The following VPS35L variants were observed in gnomAD, a reference collection of about 807,000 sequenced individuals.
The protein encoded by VPS35L is VPS35 endosomal protein sorting factor like, also known as VPS35 endosomal protein-sorting factor-like.
In VPS35L, 83 loss-of-function variants were observed where a neutral mutation model predicts 133.0. The observed-to-expected ratio is 0.62, with a 90% confidence interval of 0.52 to 0.75. The LOEUF is 0.75. VPS35L is among the 30% of genes least tolerant of loss of function. VPS35L has a pLI of 0.00. For missense variants in VPS35L, 1,083 were observed against 1,206.8 expected (o/e 0.90, Z 1.52); for synonymous variants, 423 against 449.9 (o/e 0.94, Z 0.76).
chr16:19,655,062 C>T (rs1408166643), intron 26 of VPS35L, among the ~76,000 whole-genome samples: 5 of 152,178 alleles, frequency 3.3e-5, no homozygotes, highest in African/African-American at 9.7e-5. Flanking sequence ...CCCTGTTGTG[C>T]TTCCTATAAC....
At chr16:19,666,972 C>CTTTCTTTCT (rs113931786) in intron 26 of VPS35L, among the ~76,000 whole-genome samples, 2 of 93,370 alleles carry the variant, frequency 2.1e-5, no homozygotes, top group African/African-American at 6.7e-5. Flanking sequence ...TTCTTCCTTT[C>CTTTCTTTCT]TTCCTTTCTT....
intron 28 of VPS35L, among the ~76,000 whole-genome samples, chr16:19,684,372 T>C (rs559301017): frequency 3.6e-4 from 55 of 152,256 alleles, no homozygotes; most frequent in South Asian, 1.2e-3. Context: ...AAAAACCAAC[T>C]CTACACTTGC....
At chr16:19,691,144 C>G (rs1204973605) in intron 28 of VPS35L, among the ~76,000 whole-genome samples, 3 of 152,190 alleles carry the variant, frequency 2.0e-5, no homozygotes, top group African/African-American at 7.2e-5. Context: ...GACTTCCACA[C>G]CCCTGGCTTA....
intron 18 of VPS35L, among the ~76,000 whole-genome samples, chr16:19,630,581 G>A (rs774169692): frequency 2.0e-5 from 3 of 151,958 alleles, no homozygotes; most frequent in Non-Finnish European, 2.9e-5. Context: ...CAATCAGCCC[G>A]CCTCTGCCTC....
At chr16:19,644,855 C>T (rs546660315) in intron 22 of VPS35L, 31 bp from the exon 23 acceptor site, 9 of 1,479,272 alleles carry the variant, frequency 6.1e-6, no homozygotes, top group African/African-American at 2.8e-5. Flanking sequence ...CTATTACCTC[C>T]GTGTTAATTA....
intron 14 of VPS35L, among the ~76,000 whole-genome samples, chr16:19,619,110 T>C (rs1276006081): frequency 1.3e-5 from 2 of 151,940 alleles, no homozygotes; most frequent in Non-Finnish European, 2.9e-5. Flanking sequence ...TTTGTATTTT[T>C]AGTAGAGATG....
chr16:19,657,282 A>G (rs1974336823), intron 26 of VPS35L, among the ~76,000 whole-genome samples: 1 of 152,124 alleles, frequency 6.6e-6, no homozygotes, highest in South Asian at 2.1e-4. Context: ...TGATTTTATT[A>G]TCATTAATAA....
intron 22 of VPS35L, among the ~76,000 whole-genome samples, chr16:19,642,929 G>A (rs1056913045): frequency 3.9e-5 from 6 of 152,132 alleles, no homozygotes; most frequent in African/African-American, 1.4e-4. Flanking sequence ...ACTGCCTTCT[G>A]GTTTTTGTTT....
chr16:19,569,306 C>A, intron 2 of VPS35L, 118 bp from the exon 3 acceptor site: 1 of 1,148,916 alleles, frequency 8.7e-7, no homozygotes, highest in Non-Finnish European at 1.3e-6. Flanking sequence ...ATGGTTAAGT[C>A]TCTGCTGCAA....
At position 19,616,195 on chromosome 16, in the gene VPS35L, A is replaced by G. The variant is rs1468167203; in HGVS notation, c.1101+4A>G. 9 of 1,601,490 alleles carry G rather than the reference A, an allele frequency of 5.6e-6. No homozygotes were observed. The highest frequency in any genetic ancestry group is 1.3e-5 in the African/African-American group (1 of 74,604). ...CTTCCTCCTTACGTTCAAACAGGTA[A>G]GAGAACACTATCAGAATAGCTCATC... On this transcript the variant is annotated splice_donor_region_variant and intron_variant, in intron 13 of 30. Coordinates refer to ENST00000417362, the MANE Select transcript of VPS35L (RefSeq NM_020314.7).
At chr16:19,582,685 T>G (rs769277695) in intron 7 of VPS35L, among the ~76,000 whole-genome samples, 1 of 152,234 alleles carries the variant, frequency 6.6e-6, no homozygotes, top group Non-Finnish European at 1.5e-5. Flanking sequence ...CTTCACAATA[T>G]TTGCATTGGC....
chr16:19,579,987 G>A (rs1284754574), intron 6 of VPS35L: 1 of 150,428 alleles, frequency 6.6e-6, no homozygotes, highest in Admixed American at 6.7e-5. Context: ...ATCTCCTGAG[G>A]TCAGGAGTTT....
In VPS35L at chr16:19,626,188, C is replaced by A. The variant is rs746766882; in HGVS notation, c.1236C>A (p.Thr412=). 3.1e-6 allele frequency: 5 copies of A among 1,595,038 alleles called. No homozygotes were observed. Among genetic ancestry groups the A allele is most frequent in the Middle Eastern group, 1.7e-4 (1 of 6,004 alleles). The part of the protein sequence containing the change: ...ISYHAPEALL[T]EMMERCKKLG... ...TTTTAACATAATAGGCTCTGCTGAC[C>A]GAGATGATGGAAAGGTGTAAGAAAC... is the stretch of plus-strand genomic sequence containing the variant. The change falls in exon 15 of 31, where the codon ACC becomes ACA. Residue 412 remains threonine, a synonymous_variant. Coordinates refer to ENST00000417362, the MANE Select transcript of VPS35L (RefSeq NM_020314.7).
chr16:19,558,968 T>C (rs1384839306), intron 1 of VPS35L, among the ~76,000 whole-genome samples: 1 of 143,396 alleles, frequency 7.0e-6, no homozygotes, highest in Non-Finnish European at 1.5e-5. Context: ...CTCTACATCA[T>C]TTTAAGAGTT....
At chr16:19,616,973 G>A in intron 14 of VPS35L, 165 bp downstream of exon 14, 3 of 1,014,522 alleles carry the variant, frequency 3.0e-6, no homozygotes, top group Non-Finnish European at 4.5e-6. Context: ...TCTGTGCTGA[G>A]TGCTTTTCTG....
At chr16:19,647,329 G>A (rs1973981842) in intron 23 of VPS35L, among the ~76,000 whole-genome samples, 1 of 152,196 alleles carries the variant, frequency 6.6e-6, no homozygotes, top group South Asian at 2.1e-4. Context: ...AATGATTGAT[G>A]TACAGTAAAG....
intron 22 of VPS35L, among the ~76,000 whole-genome samples, chr16:19,642,787 G>A (rs756989631): frequency 6.6e-6 from 1 of 152,144 alleles, no homozygotes; most frequent in East Asian, 1.9e-4. Context: ...GTGTAATAAT[G>A]AGCTCACTCA....
In VPS35L at chr16:19,577,630, C is replaced by T. The variant is rs565737036; in HGVS notation, c.434-1422C>T. Among the ~76,000 whole-genome samples the T allele has an allele frequency of 2.2e-3, 330 of 152,252 alleles. 1 individual carries two copies. Among genetic ancestry groups the T allele is most frequent in the African/African-American group, 7.1e-3 (293 of 41,538 alleles). On this transcript the variant is annotated intron_variant, in intron 5 of 30. Coordinates refer to ENST00000417362, the MANE Select transcript of VPS35L (RefSeq NM_020314.7). ...CTGTGGTCTGGTTGTTTGTGCCTAA[C>T]CCCACTCCCCTGCCCCGATTCATAT...
intron 8 of VPS35L, among the ~76,000 whole-genome samples, chr16:19,596,328 G>A (rs1318566759): frequency 6.6e-6 from 1 of 151,496 alleles, no homozygotes. Context: ...AGGCCACAGT[G>A]CAATGGGGTG....
Sources: gnomAD v4.1 joint callset for allele counts (sites outside exome capture counted in the v4.1 genomes callset) on GRCh38, gnomAD v4.1.1 for gene constraint, MANE v1.5 for transcripts, NCBI Gene and HGNC (gene_info 2026-07-23, HGNC 2026-07-21) for gene names.